Variants in SLC2A9 observed in about 807,000 individuals in gnomAD.
The protein encoded by SLC2A9 is solute carrier family 2, facilitated glucose transporter member 9.
Under a neutral mutation model 50.6 loss-of-function variants are expected in SLC2A9, and 39 were observed. The observed-to-expected ratio is 0.77, with a 90% CI of 0.60 to 1.01. The LOEUF is 1.01. Among genes scored for constraint, SLC2A9 ranks in the 50% least tolerant of loss-of-function variants. SLC2A9 has a pLI of 0.00. For synonymous variants in SLC2A9, 324 were observed against 276.9 expected, an observed-to-expected ratio of 1.17 and a Z score of -1.69; for missense variants, 686 against 677.6, an observed-to-expected ratio of 1.01 and a Z score of -0.14.
At chr4:10,019,182 T>C in intron 1 of SLC2A9, 109 bp from the exon 2 acceptor site, 1 of 889,108 alleles carries the variant, frequency 1.1e-6, no homozygotes, top group South Asian at 1.4e-5. Context: ...AGGAGAAGTC[T>C]TTGTCCTTGG....
At chr4:9,780,898 C>G (rs1718265070) in intron 3 of SLC2A9, among the ~76,000 whole-genome samples, 1 of 152,184 alleles carries the variant, frequency 6.6e-6, no homozygotes, top group Non-Finnish European at 1.5e-5. Flanking sequence ...TGTAAAAGTG[C>G]CCTGCAAAGA....
chr4:9,884,414 G>A (rs970774598), intron 10 of SLC2A9, among the ~76,000 whole-genome samples: 3 of 151,320 alleles, frequency 2.0e-5, no homozygotes, highest in African/African-American at 7.3e-5. Flanking sequence ...GAGATTACAG[G>A]TACATTCCAC....
At chr4:9,793,452 G>T (rs980688928) in intron 3 of SLC2A9, among the ~76,000 whole-genome samples, 1 of 152,168 alleles carries the variant, frequency 6.6e-6, no homozygotes, top group South Asian at 2.1e-4. Context: ...GCACAAACAA[G>T]TTCATGCCCT....
chr4:9,831,316 C>T (rs1726107374), intron 11 of SLC2A9, among the ~76,000 whole-genome samples: 1 of 151,980 alleles, frequency 6.6e-6, no homozygotes, highest in Non-Finnish European at 1.5e-5. Context: ...CAATATCCTG[C>T]TATTCTCATA....
chr4:9,998,238 T>C (rs1176227142), intron 2 of SLC2A9, among the ~76,000 whole-genome samples: 1 of 152,208 alleles, frequency 6.6e-6, no homozygotes, highest in African/African-American at 2.4e-5. Context: ...TCCCTGTTGC[T>C]ACCCAACGTG....
intron 1 of SLC2A9, among the ~76,000 whole-genome samples, chr4:9,772,098 G>A (rs1428856343): frequency 1.3e-5 from 2 of 152,230 alleles, no homozygotes; most frequent in African/African-American, 2.4e-5. Context: ...GAAGAACACT[G>A]TGGTTGTGTT....
rs1358583139 is a variant in SLC2A9 at position 9,980,416 on chromosome 4, A to G, written c.681+176T>C. 3.9e-5 allele frequency among the ~76,000 whole-genome samples: 6 copies of G among 152,336 alleles called. No homozygotes were observed. The East Asian group carries it at 1.2e-3, about 29-fold the overall frequency. On this transcript the variant is annotated intron_variant, in intron 5 of 11. Transcript: ENST00000264784. ...GGTTTCAATTTGTTATGTATTCTTT[A>G]TGTACTTAAAAAAAATAAACTCAAA... is the stretch of plus-strand genomic sequence containing the variant.
At chr4:9,955,412 G>A (rs1336705532) in intron 5 of SLC2A9, among the ~76,000 whole-genome samples, 2 of 55,870 alleles carry the variant, frequency 3.6e-5, no homozygotes, top group East Asian at 2.4e-4. Context: ...GGAGAATGGC[G>A]TGAACCCGGG....
At chr4:10,039,721 C>T (rs1764219906) in intron 1 of SLC2A9, among the ~76,000 whole-genome samples, 1 of 152,202 alleles carries the variant, frequency 6.6e-6, no homozygotes, top group African/African-American at 2.4e-5. Flanking sequence ...CTGGTCTCAC[C>T]ATGGCCCATC....
At chr4:9,801,781 C>T (rs1443062997) in intron 3 of SLC2A9, among the ~76,000 whole-genome samples, 2 of 152,128 alleles carry the variant, frequency 1.3e-5, no homozygotes, top group African/African-American at 4.8e-5. Context: ...TCTAAGTTAT[C>T]TAAGTTGTAA....
At chr4:9,831,028 A>C (rs556717341) in intron 11 of SLC2A9, among the ~76,000 whole-genome samples, 1 of 152,334 alleles carries the variant, frequency 6.6e-6, no homozygotes, top group Admixed American at 6.5e-5. Context: ...GCTTCAATAC[A>C]GGCGTGATTC....
At chr4:10,011,105 G>T (rs80245519) in intron 2 of SLC2A9, among the ~76,000 whole-genome samples, 4 of 152,118 alleles carry the variant, frequency 2.6e-5, no homozygotes, top group Non-Finnish European at 1.5e-5. Context: ...TGTCTTGGTT[G>T]GGCCCTTTTG....
chr4:9,899,175 G>T (rs575967652), intron 8 of SLC2A9, among the ~76,000 whole-genome samples: 82 of 152,358 alleles, frequency 5.4e-4, no homozygotes, highest in African/African-American at 1.9e-3. Context: ...CCAAACAGCT[G>T]TTTCCTAATC....
downstream of SLC2A9, among the ~76,000 whole-genome samples, chr4:9,822,820 C>T (rs377585238): frequency 5.1e-4 from 78 of 152,250 alleles, 1 homozygote; most frequent in African/African-American, 1.7e-3. Flanking sequence ...AGTTTGATCA[C>T]ATTTTTTTCC....
At chr4:9,935,584 A>G (rs1423078347) in intron 6 of SLC2A9, among the ~76,000 whole-genome samples, 3 of 152,238 alleles carry the variant, frequency 2.0e-5, no homozygotes, top group South Asian at 2.1e-4. Context: ...TGACCAAACC[A>G]GAACTCCTGA....
chr4:9,861,574 TTTTG>T (rs374887897), intron 10 of SLC2A9, among the ~76,000 whole-genome samples: 29 of 152,110 alleles, frequency 1.9e-4, no homozygotes, highest in African/African-American at 6.3e-4. Flanking sequence ...AGGGCAGGGA[TTTTG>T]TTTGTTTGTT....
chr4:9,849,104 G>T (rs1489284577), intron 10 of SLC2A9, among the ~76,000 whole-genome samples: 5 of 152,182 alleles, frequency 3.3e-5, no homozygotes, highest in Non-Finnish European at 7.4e-5. Context: ...GGCATCTTGT[G>T]AGGGGCCAGC....
Position 9,949,363 on chromosome 4 carries a change from C to A in SLC2A9, c.682-7318G>T, listed in dbSNP as rs1213179444. On this transcript the variant is annotated intron_variant, in intron 5 of 11. Transcript: ENST00000264784. The stretch of plus-strand genomic sequence containing the variant: ...ATACAGAAATCCCTGAAACGACAGA[C>A]ACTCCTGCTCTTAAAATACTTTTTA... 2.0e-5 allele frequency among the ~76,000 whole-genome samples: 3 copies of A among 152,194 alleles called. No homozygotes were observed. The East Asian group carries it at 5.8e-4, about 29-fold the overall frequency.
intron 3 of SLC2A9, among the ~76,000 whole-genome samples, chr4:9,816,846 T>A (rs970573453): frequency 6.6e-6 from 1 of 151,760 alleles, no homozygotes; most frequent in Non-Finnish European, 1.5e-5. Context: ...GACACGCACA[T>A]ACACCCTCTT....
Sources: allele counts gnomAD v4.1 joint callset (sites outside exome capture counted in the v4.1 genomes callset), GRCh38; gene constraint gnomAD v4.1.1; transcripts MANE v1.5; gene names NCBI Gene and HGNC (gene_info 2026-07-23, HGNC 2026-07-21).